Variants in PDGFD observed in about 807,000 individuals in gnomAD.
PDGFD encodes the protein platelet-derived growth factor D.
In PDGFD, 30 loss-of-function variants were observed where a neutral mutation model predicts 44.7. The ratio of observed to expected loss-of-function variants is 0.67; its 90% CI spans 0.50 to 0.91. The LOEUF (loss-of-function observed/expected upper bound fraction) is 0.91, where lower values mean the gene tolerates loss of function less well. Among genes scored for constraint, PDGFD ranks in the 40% least tolerant of loss-of-function variants. PDGFD has a pLI of 0.00. For synonymous variants in PDGFD, 173 were observed against 168.4 expected (o/e 1.03, Z -0.21); for missense variants, 445 against 457.8 (o/e 0.97, Z 0.25).
At chr11:103,985,145 A>G (rs1361335976) in intron 3 of PDGFD, among the ~76,000 whole-genome samples, 2 of 141,748 alleles carry the variant, frequency 1.4e-5, no homozygotes, top group East Asian at 2.0e-4. Context: ...AATATATAAT[A>G]TATTAATTTA....
chr11:104,041,304 A>G (rs1193558270), intron 1 of PDGFD, among the ~76,000 whole-genome samples: 1 of 152,082 alleles, frequency 6.6e-6, no homozygotes, highest in African/African-American at 2.4e-5. Flanking sequence ...GAAATTAATA[A>G]TATGTTGGTA....
chr11:104,018,454 T>C (rs1007428376), intron 1 of PDGFD, among the ~76,000 whole-genome samples: 1 of 152,204 alleles, frequency 6.6e-6, no homozygotes, highest in Non-Finnish European at 1.5e-5. Context: ...ATGTCTGCCA[T>C]TGTCCATTCG....
intron 5 of PDGFD, among the ~76,000 whole-genome samples, chr11:103,930,315 A>G (rs1858381837): frequency 6.6e-6 from 1 of 152,102 alleles, no homozygotes; most frequent in African/African-American, 2.4e-5. Flanking sequence ...TTGAGATGTA[A>G]TAAGAATGCT....
chr11:104,136,705 G>A (rs1040919130), intron 1 of PDGFD, among the ~76,000 whole-genome samples: 9 of 152,118 alleles, frequency 5.9e-5, no homozygotes, highest in Non-Finnish European at 1.5e-5. Flanking sequence ...CTTTCCAATA[G>A]TAAATAACAT....
At chr11:104,065,897 G>C (rs530521111) in intron 1 of PDGFD, among the ~76,000 whole-genome samples, 200 of 152,166 alleles carry the variant, frequency 1.3e-3, no homozygotes, top group African/African-American at 4.3e-3. Context: ...AATACTGATG[G>C]CATGAGGAAA....
chr11:104,109,722 T>G (rs902075702), intron 1 of PDGFD, among the ~76,000 whole-genome samples: 4 of 152,096 alleles, frequency 2.6e-5, no homozygotes, highest in Non-Finnish European at 4.4e-5. Context: ...AATTAATGAG[T>G]TATGGTTATA....
chr11:104,057,466 C>T (rs1437562215), intron 1 of PDGFD, among the ~76,000 whole-genome samples: 3 of 143,120 alleles, frequency 2.1e-5, no homozygotes, highest in Non-Finnish European at 3.0e-5. Context: ...GAAGTGGGAG[C>T]TAAACACTGG....
intron 3 of PDGFD, among the ~76,000 whole-genome samples, chr11:103,991,772 T>G (rs1859456931): frequency 6.6e-6 from 1 of 152,190 alleles, no homozygotes; most frequent in South Asian, 2.1e-4. Context: ...AATTAATAAG[T>G]TCCAGGCAAA....
chr11:103,935,798 T>C (rs970919790), intron 5 of PDGFD, among the ~76,000 whole-genome samples: 2 of 152,262 alleles, frequency 1.3e-5, no homozygotes, highest in Admixed American at 6.5e-5. Context: ...CATTACCTAA[T>C]CCTAACACAA....
chr11:104,034,219 T>C (rs1325369193), intron 1 of PDGFD, among the ~76,000 whole-genome samples: 1 of 151,850 alleles, frequency 6.6e-6, no homozygotes, highest in Non-Finnish European at 1.5e-5. Flanking sequence ...ACCCTTCAAT[T>C]TGTGTGTGTG....
intron 1 of PDGFD, among the ~76,000 whole-genome samples, chr11:104,131,801 TAAAAAAAAAAA>T (rs55959221): frequency 1.4e-5 from 1 of 70,960 alleles, no homozygotes; most frequent in Non-Finnish European, 2.6e-5. Context: ...CAATGAACTG[TAAAAAAAAAAA>T]AAAAAAAAAA....
chr11:104,049,245 T>C (rs1018887345), intron 1 of PDGFD, among the ~76,000 whole-genome samples: 1 of 152,196 alleles, frequency 6.6e-6, no homozygotes, highest in Non-Finnish European at 1.5e-5. Context: ...GGAAGGTTTC[T>C]GTGAGGAAGA....
At chr11:103,974,916 T>A (rs1021566375) in intron 3 of PDGFD, among the ~76,000 whole-genome samples, 2 of 152,226 alleles carry the variant, frequency 1.3e-5, no homozygotes, top group Admixed American at 6.5e-5. Flanking sequence ...TTGGGTTGGT[T>A]CCATGTCTTT....
chr11:103,999,809 G>A (rs544702105), intron 2 of PDGFD, among the ~76,000 whole-genome samples: 3 of 152,284 alleles, frequency 2.0e-5, no homozygotes, highest in East Asian at 3.9e-4. Context: ...CTTCTTTGGA[G>A]GTCACACAGT....
chr11:103,910,068 A>T (rs758708096), intron 6 of PDGFD, among the ~76,000 whole-genome samples: 1 of 146,600 alleles, frequency 6.8e-6, no homozygotes, highest in Non-Finnish European at 1.5e-5. Flanking sequence ...AAGTACCCAG[A>T]TGATTTCATG....
At chr11:104,149,949 T>C (rs946169935) in intron 1 of PDGFD, among the ~76,000 whole-genome samples, 4 of 152,194 alleles carry the variant, frequency 2.6e-5, no homozygotes, top group Admixed American at 2.0e-4. Context: ...TAATATATAC[T>C]GTGGTCATTG....
rs1248062347 is a variant in PDGFD at position 104,036,694 on chromosome 11, G to A, written c.125-36439C>T. Reference sequence around the variant, plus strand: ...ATGAGTGTCCGCGCCTCTCTGAGAGGTGAATGAGCCCGGACGGTCCCTACC... The same window carrying A: ...ATGAGTGTCCGCGCCTCTCTGAGAGATGAATGAGCCCGGACGGTCCCTACC... On this transcript the variant is annotated intron_variant, in intron 1 of 6. Transcript: ENST00000393158. 5.5e-6 allele frequency: 4 copies of A among 727,924 alleles called. No individual in the cohort carries two copies. In the Admixed American group the frequency reaches 7.1e-5, roughly 13 times the overall value. 45.1% of individuals were successfully genotyped at this position (727,924 alleles called of 1,614,324 possible). A position where few individuals can be genotyped will look rare whatever the true frequency, so the allele number is the denominator to read the frequency against.
intron 1 of PDGFD, chr11:104,037,520 A>G: frequency 6.2e-7 from 1 of 1,614,180 alleles, no homozygotes; most frequent in Non-Finnish European, 8.5e-7. Context: ...GCGATAGAAG[A>G]GGCCCCCGAG....
rs1858628379 is a variant in PDGFD, at chr11:103,943,760, TC to T, written c.574-111del. 3.5e-6 allele frequency: 3 copies of T among 864,648 alleles called. No individual in the cohort carries two copies. In the South Asian group the frequency reaches 5.1e-5, roughly 15 times the overall value. The allele number at this position is 864,648 out of a possible 1,614,324, so 53.6% of individuals were successfully genotyped here. ...TAAACAGGCTTCTGAGTATAAGACA[TC>T]ATACGTTTGAATGCTATGTAAAAAC... is the stretch of plus-strand genomic sequence containing the variant. On this transcript the variant is annotated intron_variant, in intron 4 of 6. Coordinates refer to ENST00000393158, the MANE Select transcript of PDGFD (RefSeq NM_025208.5).
Sources: gnomAD v4.1 joint callset for allele counts (sites outside exome capture counted in the v4.1 genomes callset) on GRCh38, gnomAD v4.1.1 for gene constraint, MANE v1.5 for transcripts, NCBI Gene and HGNC (gene_info 2026-07-23, HGNC 2026-07-21) for gene names.